The following NBEAL1 variants were observed in gnomAD, a reference collection of about 807,000 sequenced individuals.
The protein encoded by NBEAL1 is neurobeachin-like protein 1.
In NBEAL1, 273 loss-of-function variants were observed where a neutral mutation model predicts 351.3. The ratio of observed to expected loss-of-function variants is 0.78; its 90% CI spans 0.70 to 0.86. The LOEUF (loss-of-function observed/expected upper bound fraction) is 0.86. NBEAL1 is among the 40% of genes least tolerant of loss of function. NBEAL1 has a pLI of 0.00. For missense variants in NBEAL1, 2,961 were observed against 3,201.3 expected, an observed-to-expected ratio of 0.92 and a Z score of 1.81; for synonymous variants, 1,050 against 1,086.4, an observed-to-expected ratio of 0.97 and a Z score of 0.66.
intron 2 of NBEAL1, among the ~76,000 whole-genome samples, chr2:203,027,910 A>C (rs1240917533): frequency 2.0e-5 from 3 of 150,986 alleles, no homozygotes; most frequent in Non-Finnish European, 2.9e-5. Context: ...TTTTAAATGG[A>C]GTCTCGCTCT....
At chr2:203,042,823 T>G (rs1190497645) in intron 3 of NBEAL1, among the ~76,000 whole-genome samples, 1 of 152,096 alleles carries the variant, frequency 6.6e-6, no homozygotes, top group Non-Finnish European at 1.5e-5. Context: ...CTTGACCTCA[T>G]GATCCACCTG....
chr2:203,018,722 G>T (rs2060720300), intron 2 of NBEAL1, among the ~76,000 whole-genome samples: 2 of 151,984 alleles, frequency 1.3e-5, no homozygotes, highest in Admixed American at 1.3e-4. Context: ...ACCCAATTTT[G>T]ACTATTACCA....
chr2:203,016,994 G>A (rs2060692185), intron 2 of NBEAL1, among the ~76,000 whole-genome samples: 1 of 152,154 alleles, frequency 6.6e-6, no homozygotes. Flanking sequence ...GGTTACAGGA[G>A]TACTGAGTAG....
intron 55 of NBEAL1, among the ~76,000 whole-genome samples, chr2:203,216,398 C>A (rs138533435): frequency 1.3e-5 from 2 of 152,078 alleles, no homozygotes; most frequent in East Asian, 3.9e-4. Flanking sequence ...AACAGTACTG[C>A]AAATTCTAGA....
intron 2 of NBEAL1, among the ~76,000 whole-genome samples, chr2:203,028,584 A>T (rs2060899073): frequency 6.6e-6 from 1 of 151,416 alleles, no homozygotes; most frequent in Admixed American, 6.6e-5. Context: ...GATCATTTCA[A>T]GTTTCATGGA....
At chr2:203,204,104 T>A (rs1192987807) in intron 51 of NBEAL1, among the ~76,000 whole-genome samples, 1 of 151,720 alleles carries the variant, frequency 6.6e-6, no homozygotes, top group East Asian at 1.9e-4. Context: ...AATTTTTGTA[T>A]TTTTAGTAGA....
intron 54 of NBEAL1, among the ~76,000 whole-genome samples, 191 bp downstream of exon 54, chr2:203,211,297 AT>A (rs1011673034): frequency 6.6e-6 from 1 of 152,010 alleles, no homozygotes; most frequent in African/African-American, 2.4e-5. Flanking sequence ...ATATATATAC[AT>A]TTTTTAATAT....
At chr2:203,171,420 C>G (rs1462216176) in intron 39 of NBEAL1, among the ~76,000 whole-genome samples, 1 of 152,090 alleles carries the variant, frequency 6.6e-6, no homozygotes, top group Non-Finnish European at 1.5e-5. Context: ...GCCTGGGCAA[C>G]AAAGCAAGAC....
At chr2:203,125,267 G>C in intron 19 of NBEAL1, 85 bp from the exon 20 acceptor site, 1 of 1,010,490 alleles carries the variant, frequency 9.9e-7, no homozygotes, top group Non-Finnish European at 1.4e-6. Context: ...TTATCTAGCA[G>C]ATTATAACTT....
intron 6 of NBEAL1, among the ~76,000 whole-genome samples, chr2:203,067,295 C>T (rs1348404774): frequency 6.6e-6 from 1 of 152,168 alleles, no homozygotes; most frequent in Non-Finnish European, 1.5e-5. Context: ...AAAATAAATA[C>T]AGCTGGTATA....
intron 10 of NBEAL1, among the ~76,000 whole-genome samples, chr2:203,087,853 C>G (rs1454679311): frequency 6.6e-6 from 1 of 152,132 alleles, no homozygotes; most frequent in Non-Finnish European, 1.5e-5. Flanking sequence ...TCTCTCCCAT[C>G]ATTAGGTATT....
rs976530203 is a variant in NBEAL1 at position 203,048,881 on chromosome 2, C to T, written c.144-933C>T. Among the ~76,000 whole-genome samples the T allele has an allele frequency of 1.1e-4, 12 of 112,716 alleles. No individual in the cohort carries two copies. The Admixed American group carries it at 1.1e-3, about 10-fold the overall frequency. The allele number at this position is 112,716 out of a possible 152,430, so 73.9% of individuals were successfully genotyped here. ...TGCCCATGCTCAGAGCTCTACATTT[C>T]CTTTTTTTTTTTTTTTAATACCCTT... is the stretch of plus-strand genomic sequence containing the variant. On this transcript the variant is annotated intron_variant, in intron 3 of 55. Coordinates refer to ENST00000683969, the MANE Select transcript of NBEAL1 (RefSeq NM_001378026.1).
At position 203,126,054 on chromosome 2, in the gene NBEAL1, C is replaced by G. The variant is rs894789634; in HGVS notation, c.2946C>G (p.His982Gln). Residue 982 changes from histidine (H) to glutamine (Q), a missense_variant, in exon 21 of 56, where the codon CAC becomes CAG. Physicochemically the swap from His to Gln is conservative, Grantham distance 24. Transcript: ENST00000683969. ...CTATCAACCAGGGCAATCTTATTCA[C>G]TCCCATGGAGTTGCAACTCTTGGTG... Reference protein sequence around the residue: ...RHPINQGNLIHSHGVATLGAL... With the variant: ...RHPINQGNLIQSHGVATLGAL... 3.2e-6 allele frequency: 5 copies of G among 1,544,394 alleles called. No homozygotes were observed. The African/African-American group carries it at 6.9e-5, about 21-fold the overall frequency.
Position 203,202,777 on chromosome 2 carries a change from A to C in NBEAL1, c.7502A>C (p.Gln2501Pro). ...DTTCMIWQIT[Q>P]QGGVPVGLAS... ...ACATGTATGATATGGCAAATAACAC[A>C]ACAGGTAGTCACACATTTAAATGTT... The change falls in exon 51 of 56, where the codon CAA becomes CCA. Residue 2501 changes from glutamine to proline, a missense_variant. By Grantham distance (76) the Gln-to-Pro change is moderately conservative. Transcript: ENST00000683969. 1 of 1,540,438 alleles carries C rather than the reference A, an allele frequency of 6.5e-7. No individual in the cohort carries two copies. Among genetic ancestry groups the C allele is most frequent in the Non-Finnish European group, 9.0e-7 (1 of 1,114,248 alleles).
At chr2:203,017,835 C>T (rs10188105) in intron 2 of NBEAL1, among the ~76,000 whole-genome samples, 40,489 of 151,882 alleles carry the variant, frequency 0.27, 5,888 homozygotes, top group East Asian at 0.52. Context: ...TTAATATAAA[C>T]ATGCATCCCT....
chr2:203,167,232 G>A lies in NBEAL1; in HGVS notation c.5869G>A (p.Gly1957Ser), dbSNP rs765863440. 14 of 1,609,774 alleles carry A rather than the reference G, an allele frequency of 8.7e-6. No individual in the cohort carries two copies. The highest frequency in any genetic ancestry group is 8.5e-5 in the Admixed American group (5 of 59,146). The part of the protein sequence containing the change: ...DGSIEKEDGV[G>S]FDFKWPHSQI... The stretch of plus-strand genomic sequence containing the variant: ...AAGATTTCTTCCGTTTTCAGGAGTA[G>A]GCTTTGATTTCAAGTGGCCTCATTC... Residue 1957 changes from glycine to serine, a missense_variant, in exon 38 of 56, where the codon GGC becomes AGC. Gly to Ser is a moderately conservative substitution (Grantham distance 56). Transcript: ENST00000683969.
In NBEAL1 at chr2:203,151,483, C is replaced by T; in HGVS notation, c.5481C>T (p.His1827=). The T allele has an allele frequency of 6.3e-7, 1 of 1,597,030 alleles. No individual in the cohort carries two copies. Among genetic ancestry groups the T allele is most frequent in the Non-Finnish European group, 8.5e-7 (1 of 1,172,764 alleles). Residue 1827 remains histidine, a synonymous_variant, in exon 35 of 56, where the codon CAC becomes CAT. Coordinates refer to ENST00000683969, the MANE Select transcript of NBEAL1 (RefSeq NM_001378026.1). ...PWAKRKQNPI[H]WKLANVENYS... is the part of the protein sequence containing the mutation. ...TTCTTAGGAAACAGAATCCAATTCA[C>T]TGGAAGCTAGCTAATGTAGAGAATT...
At chr2:203,089,631 A>G (rs1415399841) in intron 10 of NBEAL1, among the ~76,000 whole-genome samples, 5 of 152,234 alleles carry the variant, frequency 3.3e-5, no homozygotes, top group Non-Finnish European at 7.3e-5. Context: ...GATCACACAC[A>G]CACCACAAAA....
rs1240430356 is a variant in NBEAL1 at position 203,224,600 on chromosome 2, A to T, written c.*7246A>T. Among the ~76,000 whole-genome samples the T allele has an allele frequency of 6.6e-6, 1 of 152,180 alleles. No individual in the cohort carries two copies. The highest frequency in any genetic ancestry group is 1.5e-5 in the Non-Finnish European group (1 of 67,994). On this transcript the variant is annotated 3_prime_UTR_variant, in exon 56 of 56. Transcript: ENST00000683969. ...AGTCAATTCAGAGCGTAATAACTAAAAATTCAGAATGACTTGTTTTTTGAA... is the reference window on the plus strand; with the variant it reads ...AGTCAATTCAGAGCGTAATAACTAATAATTCAGAATGACTTGTTTTTTGAA...
Sources: allele counts gnomAD v4.1 joint callset (sites outside exome capture counted in the v4.1 genomes callset), GRCh38; gene constraint gnomAD v4.1.1; transcripts MANE v1.5; gene names NCBI Gene and HGNC (gene_info 2026-07-23, HGNC 2026-07-21).